LRBA: variants seen among roughly 807,000 people sequenced by gnomAD.
The protein encoded by LRBA is lipopolysaccharide-responsive and beige-like anchor protein.
LRBA carries 176 observed loss-of-function variants against 330.0 expected under a neutral mutation model. The ratio of observed to expected loss-of-function variants is 0.53; its 90% CI spans 0.47 to 0.60. LRBA has a LOEUF of 0.60. LRBA is among the 20% of genes least tolerant of loss of function. The pLI, the probability that LRBA is intolerant of heterozygous loss-of-function variation, is 0.00. For synonymous variants in LRBA, 1,230 were observed against 1,193.0 expected (o/e 1.03, Z -0.64); for missense variants, 3,259 against 3,444.8 (o/e 0.95, Z 1.35).
At chr4:150,611,424 C>A (rs1450517252) in intron 37 of LRBA, among the ~76,000 whole-genome samples, 1 of 152,122 alleles carries the variant, frequency 6.6e-6, no homozygotes, top group Non-Finnish European at 1.5e-5. Context: ...ATTTTCCAGG[C>A]TACTTTGGCT....
intron 17 of LRBA, among the ~76,000 whole-genome samples, chr4:150,888,936 G>C (rs1374934487): frequency 1.3e-5 from 2 of 152,180 alleles, no homozygotes; most frequent in Non-Finnish European, 2.9e-5. Context: ...TGCAGATAGA[G>C]AGAGAGACAG....
intron 46 of LRBA, among the ~76,000 whole-genome samples, chr4:150,433,891 T>C (rs1347716573): frequency 1.3e-5 from 2 of 152,144 alleles, no homozygotes; most frequent in Non-Finnish European, 2.9e-5. Flanking sequence ...AAAACCCTGA[T>C]AGATGTCCCA....
chr4:150,361,737 C>T (rs1192184309), intron 47 of LRBA, among the ~76,000 whole-genome samples: 3 of 151,698 alleles, frequency 2.0e-5, no homozygotes, highest in African/African-American at 7.3e-5. Context: ...CTCTCTGGAG[C>T]TTCAAATACA....
At chr4:150,449,349 T>C (rs1399204439) in intron 44 of LRBA, among the ~76,000 whole-genome samples, 1 of 151,844 alleles carries the variant, frequency 6.6e-6, no homozygotes, top group Non-Finnish European at 1.5e-5. Context: ...GGAAATTCTT[T>C]CCTGTGGATG....
intron 37 of LRBA, among the ~76,000 whole-genome samples, chr4:150,626,451 T>C (rs1188263177): frequency 6.6e-6 from 1 of 152,194 alleles, no homozygotes; most frequent in African/African-American, 2.4e-5. Flanking sequence ...CAACATTAAT[T>C]CCTATGAAAT....
At chr4:150,985,627 T>C (rs1741371858) in intron 2 of LRBA, among the ~76,000 whole-genome samples, 1 of 151,800 alleles carries the variant, frequency 6.6e-6, no homozygotes, top group Non-Finnish European at 1.5e-5. Flanking sequence ...GCCTCCCGAG[T>C]AGCCAGGACT....
At position 150,575,333 on chromosome 4, in the gene LRBA, C is replaced by G. The variant is rs376957847; in HGVS notation, c.6330+12715G>C. On this transcript the variant is annotated intron_variant, in intron 40 of 56. Coordinates refer to ENST00000651943, the MANE Select transcript of LRBA (RefSeq NM_001364905.1). Reference sequence around the variant, plus strand: ...GAAACCTCTCTGCACATCACTTTTACTCTAATTCATAACATTTAAAGGATG... The same window carrying G: ...GAAACCTCTCTGCACATCACTTTTAGTCTAATTCATAACATTTAAAGGATG... Among the ~76,000 whole-genome samples the G allele has an allele frequency of 1.6e-4, 24 of 152,040 alleles. No homozygotes were observed. The South Asian group carries it at 3.7e-3, about 24-fold the overall frequency.
intron 40 of LRBA, among the ~76,000 whole-genome samples, chr4:150,557,609 T>G (rs1767495970): frequency 6.6e-6 from 1 of 152,142 alleles, no homozygotes; most frequent in Non-Finnish European, 1.5e-5. Flanking sequence ...GTGGTTTTGA[T>G]GACCTTTGAC....
intron 2 of LRBA, among the ~76,000 whole-genome samples, chr4:150,938,126 CTAGA>C (rs1394660903): frequency 6.7e-6 from 1 of 150,278 alleles, no homozygotes; most frequent in Non-Finnish European, 1.5e-5. Flanking sequence ...CTGACCCTAA[CTAGA>C]TACTTTCTTG....
chr4:150,588,656 T>C (rs1364592365), intron 39 of LRBA, among the ~76,000 whole-genome samples: 1 of 152,182 alleles, frequency 6.6e-6, no homozygotes, highest in Non-Finnish European at 1.5e-5. Flanking sequence ...AAGTGGGAAA[T>C]GTTAAACCAT....
At chr4:150,413,669 C>A (rs1316437742) in intron 47 of LRBA, among the ~76,000 whole-genome samples, 1 of 152,142 alleles carries the variant, frequency 6.6e-6, no homozygotes, top group African/African-American at 2.4e-5. Flanking sequence ...TTTTTGTACT[C>A]GTGAGTGTTC....
At chr4:150,615,796 A>G (rs1353251392) in intron 37 of LRBA, among the ~76,000 whole-genome samples, 1 of 152,018 alleles carries the variant, frequency 6.6e-6, no homozygotes, top group Non-Finnish European at 1.5e-5. Context: ...GCAATTAAGT[A>G]TGGCAATATG....
intron 42 of LRBA, among the ~76,000 whole-genome samples, chr4:150,480,192 GTAGTC>G (rs1211743131): frequency 6.6e-6 from 1 of 152,066 alleles, no homozygotes; most frequent in African/African-American, 2.4e-5. Flanking sequence ...CTACTTCAAT[GTAGTC>G]CCAGCATACA....
intron 2 of LRBA, among the ~76,000 whole-genome samples, chr4:150,976,007 A>T (rs948098084): frequency 8.6e-5 from 13 of 151,754 alleles, no homozygotes; most frequent in East Asian, 1.9e-4. Context: ...ATTAAAAATT[A>T]AAAAAATAAA....
chr4:150,898,668 G>C (rs1437120673), intron 14 of LRBA, among the ~76,000 whole-genome samples: 2 of 143,966 alleles, frequency 1.4e-5, no homozygotes, highest in Non-Finnish European at 3.0e-5. Context: ...TAAGACTAGA[G>C]TTAGAAGAGG....
intron 53 of LRBA, among the ~76,000 whole-genome samples, chr4:150,294,081 G>T (rs1019307543): frequency 6.6e-6 from 1 of 152,202 alleles, no homozygotes; most frequent in Admixed American, 6.5e-5. Flanking sequence ...TTATATGCAT[G>T]TTTCTGACGG....
chr4:150,783,405 G>C (rs778110008), intron 34 of LRBA, among the ~76,000 whole-genome samples: 2 of 152,078 alleles, frequency 1.3e-5, no homozygotes, highest in Non-Finnish European at 2.9e-5. Flanking sequence ...CTCAAGTAAA[G>C]AAATAGGTAA....
At chr4:150,948,232 T>C (rs1173501365) in intron 2 of LRBA, among the ~76,000 whole-genome samples, 1 of 152,054 alleles carries the variant, frequency 6.6e-6, no homozygotes, top group Non-Finnish European at 1.5e-5. Context: ...TCAAAACTTA[T>C]TATGTAGCTA....
intron 35 of LRBA, among the ~76,000 whole-genome samples, chr4:150,740,221 T>C (rs537672321): frequency 5.3e-5 from 8 of 151,982 alleles, no homozygotes; most frequent in South Asian, 2.1e-4. Context: ...TAGAGGGAAA[T>C]TGATACACTG....
Sources: allele counts gnomAD v4.1 joint callset (sites outside exome capture counted in the v4.1 genomes callset), GRCh38; gene constraint gnomAD v4.1.1; transcripts MANE v1.5; gene names NCBI Gene and HGNC (gene_info 2026-07-23, HGNC 2026-07-21).